DNAH8: variants seen among roughly 807,000 people sequenced by gnomAD.
DNAH8 encodes the protein dynein axonemal heavy chain 8.
Under a neutral mutation model 562.1 loss-of-function variants are expected in DNAH8, and 382 were observed. The ratio of observed to expected loss-of-function variants is 0.68; its 90% CI spans 0.63 to 0.74. DNAH8 has a LOEUF of 0.74. Among genes scored for constraint, DNAH8 ranks in the 30% least tolerant of loss-of-function variants. DNAH8 has a pLI of 0.00. For synonymous variants in DNAH8, 1,881 were observed against 1,919.4 expected, an observed-to-expected ratio of 0.98 and a Z score of 0.52; for missense variants, 5,203 against 5,620.4, an observed-to-expected ratio of 0.93 and a Z score of 2.37.
chr6:38,821,443 T>C (rs1035789000), intron 26 of DNAH8, among the ~76,000 whole-genome samples: 3 of 152,188 alleles, frequency 2.0e-5, no homozygotes, highest in African/African-American at 7.2e-5. Flanking sequence ...CCAGAAGACT[T>C]TTTTTGCGGA....
chr6:38,973,523 T>A, intron 83 of DNAH8, 138 bp from the exon 84 acceptor site: 1 of 599,052 alleles, frequency 1.7e-6, no homozygotes. Flanking sequence ...GAGAAATGAT[T>A]GTATTGACAT....
chr6:38,890,501 C>A, intron 57 of DNAH8, 151 bp from the exon 58 acceptor site: 1 of 626,394 alleles, frequency 1.6e-6, no homozygotes. Context: ...TGGCTGGATC[C>A]ACTACTGACT....
chr6:38,799,973 A>G (rs888988185), intron 21 of DNAH8, among the ~76,000 whole-genome samples: 1 of 152,166 alleles, frequency 6.6e-6, no homozygotes, highest in African/African-American at 2.4e-5. Flanking sequence ...AGAAACAACA[A>G]TGTCTTGCCC....
chr6:38,792,476 G>A lies in DNAH8; in HGVS notation c.2901+802G>A, dbSNP rs535487873. 2.6e-5 allele frequency among the ~76,000 whole-genome samples: 4 copies of A among 152,182 alleles called. No individual in the cohort carries two copies. The East Asian group carries it at 7.7e-4, about 29-fold the overall frequency. ...GTCGTTACTGCTCATTTTGACTTTA[G>A]CAATTCATTTGGTGATCCAACTGGT... On this transcript the variant is annotated intron_variant, in intron 21 of 92. Transcript: ENST00000327475.
chr6:38,976,099 TA>T (rs1474846047), intron 85 of DNAH8, among the ~76,000 whole-genome samples: 5 of 152,308 alleles, frequency 3.3e-5, no homozygotes, highest in South Asian at 2.1e-4. Flanking sequence ...TGTCCAGGAA[TA>T]AAAGGCTGAA....
At chr6:38,971,241 C>A (rs957533453) in intron 82 of DNAH8, among the ~76,000 whole-genome samples, 4 of 152,162 alleles carry the variant, frequency 2.6e-5, no homozygotes, top group African/African-American at 9.7e-5. Context: ...CTAAAAAATC[C>A]TTTTTCCCTA....
At chr6:38,957,866 C>CAAAAAAAAAA (rs1209427701) in intron 82 of DNAH8, among the ~76,000 whole-genome samples, 9 of 75,878 alleles carry the variant, frequency 1.2e-4, no homozygotes, top group East Asian at 4.2e-4. Context: ...ATGCCTACAC[C>CAAAAAAAAAA]AAAAAAAAAA....
chr6:39,015,504 C>T (rs780596498), intron 91 of DNAH8, among the ~76,000 whole-genome samples: 6 of 152,148 alleles, frequency 3.9e-5, no homozygotes, highest in South Asian at 2.1e-4. Context: ...TGAGTTCTCA[C>T]GAGATCTGAT....
Position 38,951,309 on chromosome 6 carries a change from C to G in DNAH8, c.12249-9C>G. 1 of 1,612,706 alleles carries G rather than the reference C, an allele frequency of 6.2e-7. No individual in the cohort carries two copies. The highest frequency in any genetic ancestry group is 8.5e-7 in the Non-Finnish European group (1 of 1,178,992). ...TAGTTTATTTCGCCTAACTTGTATT[C>G]ATTTTTAGGTCTTGGTGCCCAGACC... On this transcript the variant is annotated splice_polypyrimidine_tract_variant and intron_variant, in intron 81 of 92. Coordinates refer to ENST00000327475, the MANE Select transcript of DNAH8 (RefSeq NM_001206927.2).
At chr6:38,781,410 G>A in intron 16 of DNAH8, 37 bp downstream of exon 16, 1 of 1,608,634 alleles carries the variant, frequency 6.2e-7, no homozygotes, top group Non-Finnish European at 8.5e-7. Context: ...GTGGATTTTG[G>A]TGGTTTTAAT....
At chr6:38,836,781 A>G (rs1774341325) in intron 32 of DNAH8, among the ~76,000 whole-genome samples, 1 of 151,982 alleles carries the variant, frequency 6.6e-6, no homozygotes, top group Admixed American at 6.6e-5. Flanking sequence ...TCTCTCATGC[A>G]AATTTATTTT....
At position 38,938,975 on chromosome 6, in the gene DNAH8, A is replaced by T; in HGVS notation, c.11994A>T (p.Gln3998His). The part of the protein sequence containing the change: ...QRGTVKHREF[Q>H]ALIKGGAALD... The stretch of plus-strand genomic sequence containing the variant: ...GGACAGTTAAGCACAGAGAGTTTCA[A>T]GCTCTCATTAAAGGTAAAGTGTGTG... Residue 3998 changes from glutamine (Q) to histidine (H), a missense_variant, in exon 79 of 93, where the codon CAA becomes CAT. By Grantham distance (24) the Gln-to-His change is conservative (BLOSUM62 0). Coordinates refer to ENST00000327475, the MANE Select transcript of DNAH8 (RefSeq NM_001206927.2). 1 of 1,613,092 alleles carries T rather than the reference A, an allele frequency of 6.2e-7. No homozygotes were observed. The highest frequency in any genetic ancestry group is 1.1e-5 in the South Asian group (1 of 90,894).
intron 86 of DNAH8, 93 bp downstream of exon 86, chr6:38,982,555 G>C (rs1248967920): frequency 2.7e-6 from 2 of 753,300 alleles, no homozygotes; most frequent in Non-Finnish European, 4.5e-6. Context: ...GTGTGAATTT[G>C]CTGAGCCCCA....
At chr6:38,913,397 A>G (rs1477932315) in intron 66 of DNAH8, among the ~76,000 whole-genome samples, 1 of 152,250 alleles carries the variant, frequency 6.6e-6, no homozygotes, top group Non-Finnish European at 1.5e-5. Flanking sequence ...AGTCCATTAC[A>G]TAAGTTTTCA....
At chr6:38,724,474 C>G (rs997009159) in intron 3 of DNAH8, among the ~76,000 whole-genome samples, 3 of 152,096 alleles carry the variant, frequency 2.0e-5, no homozygotes, top group African/African-American at 7.2e-5. Flanking sequence ...TAGAGAAAAG[C>G]TGCATAAATA....
At chr6:38,959,151 A>G (rs929061088) in intron 82 of DNAH8, among the ~76,000 whole-genome samples, 2 of 152,196 alleles carry the variant, frequency 1.3e-5, no homozygotes, top group African/African-American at 2.4e-5. Flanking sequence ...GTCATGTATG[A>G]CAAACCCATA....
chr6:38,969,079 A>C (rs1353855768), intron 82 of DNAH8, among the ~76,000 whole-genome samples: 1 of 152,184 alleles, frequency 6.6e-6, no homozygotes, highest in Non-Finnish European at 1.5e-5. Flanking sequence ...GAATAGAGAC[A>C]AAGTAGATTG....
At chr6:39,012,125 G>C in intron 89 of DNAH8, 90 bp from the exon 90 acceptor site, 1 of 956,536 alleles carries the variant, frequency 1.0e-6, no homozygotes. Flanking sequence ...TACATCTAGA[G>C]GAAGAAAAAG....
chr6:38,946,815 A>G (rs201918098), intron 80 of DNAH8, among the ~76,000 whole-genome samples: 5 of 112,564 alleles, frequency 4.4e-5, no homozygotes, highest in African/African-American at 8.9e-5. Flanking sequence ...GTCTTGGGGG[A>G]AAAAAAAAGA....
Sources: allele counts gnomAD v4.1 joint callset (sites outside exome capture counted in the v4.1 genomes callset), GRCh38; gene constraint gnomAD v4.1.1; transcripts MANE v1.5; gene names NCBI Gene and HGNC (gene_info 2026-07-23, HGNC 2026-07-21).